OLFML2B: variants seen among roughly 807,000 people sequenced by gnomAD.
The protein encoded by OLFML2B is olfactomedin-like protein 2B.
OLFML2B carries 57 observed loss-of-function variants against 74.9 expected under a neutral mutation model. The observed-to-expected ratio is 0.76, with a 90% CI of 0.61 to 0.95. OLFML2B has a LOEUF of 0.95. Among genes scored for constraint, OLFML2B ranks in the 40% least tolerant of loss-of-function variants. The pLI, the probability that OLFML2B is intolerant of heterozygous loss-of-function variation, is 0.00. For synonymous variants in OLFML2B, 388 were observed against 405.8 expected (o/e 0.96, Z 0.53); for missense variants, 986 against 970.6 (o/e 1.02, Z -0.21).
intron 3 of OLFML2B, among the ~76,000 whole-genome samples, chr1:162,013,292 G>T (rs1224227985): frequency 6.6e-6 from 1 of 152,144 alleles, no homozygotes; most frequent in Non-Finnish European, 1.5e-5. Flanking sequence ...GTCAGCTGGG[G>T]TCTATGTTGG....
At chr1:162,021,296 T>C (rs1344524111) in intron 1 of OLFML2B, among the ~76,000 whole-genome samples, 1 of 152,240 alleles carries the variant, frequency 6.6e-6, no homozygotes, top group Non-Finnish European at 1.5e-5. Context: ...CTGGCAGCAC[T>C]TGCTGCTTTT....
In OLFML2B at chr1:162,023,533, G is replaced by T; in HGVS notation, c.-103C>A. The T allele has an allele frequency of 8.1e-7, 1 of 1,239,996 alleles. No homozygotes were observed. The highest frequency in any genetic ancestry group is 1.1e-6 in the Non-Finnish European group (1 of 939,776). The allele number at this position is 1,239,996 out of a possible 1,614,324, so 76.8% of individuals were successfully genotyped here. On this transcript the variant is annotated 5_prime_UTR_variant, in exon 1 of 8. Transcript: ENST00000294794. ...AGGGTGTCCTCGCTAGAGCCCGAAA[G>T]TGGCTGCTGAGAGCACCTTCTAAAG...
intron 4 of OLFML2B, among the ~76,000 whole-genome samples, chr1:162,005,625 C>T (rs1042737865): frequency 3.3e-5 from 5 of 152,192 alleles, no homozygotes; most frequent in Admixed American, 6.5e-5. Context: ...GGTACAGTGG[C>T]CCACGCCTGT....
At chr1:162,003,608 G>C (rs564227479) in intron 4 of OLFML2B, among the ~76,000 whole-genome samples, 107 of 152,228 alleles carry the variant, frequency 7.0e-4, no homozygotes, top group African/African-American at 2.6e-3. Context: ...TATGACTTCA[G>C]CTCCTGGAGT....
chr1:162,019,886 T>C, intron 2 of OLFML2B, 33 bp downstream of exon 2: 1 of 1,606,154 alleles, frequency 6.2e-7, no homozygotes, highest in Non-Finnish European at 8.5e-7. Context: ...AAGTGCCCTC[T>C]CGTCCAAGGC....
rs779675906 is a variant in OLFML2B, at chr1:161,997,837, G to A, written c.1462C>T (p.Arg488Trp). Residue 488 changes from arginine (R) to tryptophan (W), a missense_variant, in exon 6 of 8, where the codon CGG becomes TGG. Transcript: ENST00000294794. Reference sequence around the variant, plus strand: ...ACAATGAACTTACCTATGACATTCCGGATGTCATCTTCTTCTTCGGGGCTC... The same window carrying A: ...ACAATGAACTTACCTATGACATTCCAGATGTCATCTTCTTCTTCGGGGCTC... ...TLSPEEEDDIRNVIGRCKDTL... is the reference protein window; with the variant it reads ...TLSPEEEDDIWNVIGRCKDTL... The A allele has an allele frequency of 8.1e-6, 13 of 1,612,694 alleles. No homozygotes were observed. Among genetic ancestry groups the A allele is most frequent in the African/African-American group, 4.0e-5 (3 of 74,914 alleles).
chr1:162,008,271 G>A (rs1464412762), intron 3 of OLFML2B, among the ~76,000 whole-genome samples: 1 of 152,098 alleles, frequency 6.6e-6, no homozygotes, highest in Non-Finnish European at 1.5e-5. Context: ...CGGACTAAGT[G>A]GCTGCTATTT....
intron 3 of OLFML2B, among the ~76,000 whole-genome samples, chr1:162,013,938 A>T (rs1020514054): frequency 7.5e-6 from 1 of 133,598 alleles, no homozygotes; most frequent in African/African-American, 2.9e-5. Context: ...ACACACACAC[A>T]CTTCTGTAGG....
intron 2 of OLFML2B, among the ~76,000 whole-genome samples, chr1:162,018,311 G>A (rs1050459975): frequency 2.0e-5 from 3 of 152,152 alleles, no homozygotes; most frequent in African/African-American, 7.2e-5. Context: ...AAACAAGCAA[G>A]CAGTGTCTCT....
chr1:162,003,205 G>C (rs1690127861), intron 4 of OLFML2B, among the ~76,000 whole-genome samples: 1 of 152,142 alleles, frequency 6.6e-6, no homozygotes, highest in Admixed American at 6.5e-5. Context: ...AGTCCTCCGG[G>C]TCATGGTCTG....
chr1:162,003,642 C>T (rs965577344), intron 4 of OLFML2B, among the ~76,000 whole-genome samples: 28 of 152,104 alleles, frequency 1.8e-4, no homozygotes, highest in Non-Finnish European at 3.7e-4. Flanking sequence ...TTCCACCTTG[C>T]TCTCTCCACT....
chr1:162,019,905 A>G lies in OLFML2B; in HGVS notation c.438+14T>C, dbSNP rs750982958. ...GCCCTCTCGTCCAAGGCATTGCCCC[A>G]TACCAGGTCCTACCTTCAAGTCCTG... On this transcript the variant is annotated intron_variant, in intron 2 of 7. Coordinates refer to ENST00000294794, the MANE Select transcript of OLFML2B (RefSeq NM_015441.3). 9.9e-6 allele frequency: 16 copies of G among 1,613,428 alleles called. No individual in the cohort carries two copies. The South Asian group carries it at 1.4e-4, about 14-fold the overall frequency.
At chr1:161,987,567 C>T (rs1372764895) in intron 6 of OLFML2B, among the ~76,000 whole-genome samples, 1 of 152,190 alleles carries the variant, frequency 6.6e-6, no homozygotes, top group Non-Finnish European at 1.5e-5. Flanking sequence ...GGATTCTCCC[C>T]TCAAGCCTCT....
intron 6 of OLFML2B, among the ~76,000 whole-genome samples, chr1:161,994,714 C>T (rs1453729970): frequency 6.6e-6 from 1 of 152,190 alleles, no homozygotes; most frequent in Admixed American, 6.5e-5. Context: ...TTTCCTCTCC[C>T]TGTCCTAGAG....
intron 2 of OLFML2B, among the ~76,000 whole-genome samples, chr1:162,019,515 C>A (rs1362734530): frequency 3.9e-5 from 6 of 152,218 alleles, no homozygotes; most frequent in African/African-American, 1.4e-4. Context: ...CCCGGCCTCT[C>A]CTTCCCTAGG....
chr1:162,019,818 CCTT>C (rs763123062), intron 2 of OLFML2B, 98 bp downstream of exon 2: 12 of 1,432,436 alleles, frequency 8.4e-6, no homozygotes, highest in Middle Eastern at 5.1e-4. Context: ...ACAGGCCTGA[CCTT>C]CTTCAAAGGG....
chr1:162,009,956 C>A (rs138181675), intron 3 of OLFML2B, among the ~76,000 whole-genome samples: 194 of 152,368 alleles, frequency 1.3e-3, no homozygotes, highest in African/African-American at 4.5e-3. Context: ...ATGCCTCAGG[C>A]TCTTCCCCCT....
intron 3 of OLFML2B, among the ~76,000 whole-genome samples, chr1:162,008,775 G>A (rs1313782406): frequency 5.3e-5 from 8 of 152,308 alleles, no homozygotes; most frequent in African/African-American, 1.9e-4. Context: ...AGTTTGAGAA[G>A]CACCGCCCTA....
chr1:162,002,150 T>A (rs1690096871), intron 4 of OLFML2B, among the ~76,000 whole-genome samples: 1 of 152,210 alleles, frequency 6.6e-6, no homozygotes. Flanking sequence ...CTGACTGTGC[T>A]CAAAGTCAGG....
Sources: gnomAD v4.1 joint callset for allele counts (sites outside exome capture counted in the v4.1 genomes callset) on GRCh38, gnomAD v4.1.1 for gene constraint, MANE v1.5 for transcripts, NCBI Gene and HGNC (gene_info 2026-07-23, HGNC 2026-07-21) for gene names.